Variants in REPS2 observed in about 807,000 individuals in gnomAD.
REPS2 encodes ralBP1-associated Eps domain-containing protein 2.
Under a neutral mutation model 53.6 loss-of-function variants are expected in REPS2, and 23 were observed. The ratio of observed to expected loss-of-function variants is 0.43; its 90% CI spans 0.31 to 0.61. The LOEUF is 0.61. Among genes scored for constraint, REPS2 ranks in the 20% least tolerant of loss-of-function variants. REPS2 has a pLI of 0.11. For missense variants in REPS2, 446 were observed against 534.9 expected (o/e 0.83, Z 1.64); for synonymous variants, 238 against 218.6 (o/e 1.09, Z -0.78).
the REPS2 span, among the ~76,000 whole-genome samples, chrX:17,187,625 T>C: frequency 8.9e-6 from 1 of 112,142 alleles, no homozygotes; most frequent in Non-Finnish European, 1.9e-5. Context: ...CTACATAGGA[T>C]ACGACAGAAG....
chrX:17,115,560 C>T (rs965851334), intron 14 of REPS2, among the ~76,000 whole-genome samples: 3 of 111,445 alleles, frequency 2.7e-5, no homozygotes, highest in Non-Finnish European at 3.8e-5. Context: ...AGACCCTTTA[C>T]GGGTGTCGAG....
chrX:17,188,850 C>T, the REPS2 span, among the ~76,000 whole-genome samples: 14,474 of 111,193 alleles, frequency 0.13, 719 homozygotes, highest in Admixed American at 0.18. Context: ...GTGTGTGTAC[C>T]ATTCATAGCA....
chrX:17,062,444 C>T lies in REPS2; in HGVS notation c.1121C>T (p.Pro374Leu). ...TCTTTTTGTTTCTTCTTAGCTTTTCCTAAGCCCAAATGGGACTGTCAATTA... is the reference window on the plus strand; with the variant it reads ...TCTTTTTGTTTCTTCTTAGCTTTTCTTAAGCCCAAATGGGACTGTCAATTA... ...LQPEYLQAAF[P>L]KPKWDCQLFD... The change falls in exon 9 of 18, where the codon CCT becomes CTT. Residue 374 changes from proline (P) to leucine (L), a missense_variant. By Grantham distance (98) the Pro-to-Leu change is moderately conservative. Transcript: ENST00000357277. The T allele has an allele frequency of 8.4e-7, 1 of 1,194,924 alleles. No individual in the cohort carries two copies.
the REPS2 span, among the ~76,000 whole-genome samples, chrX:17,189,346 C>T: frequency 4.7e-5 from 5 of 106,899 alleles, no homozygotes; most frequent in Non-Finnish European, 7.7e-5. Context: ...AGTGCAGTGG[C>T]GTGATCTCAG....
intron 14 of REPS2, among the ~76,000 whole-genome samples, chrX:17,113,959 T>G (rs1484289102): frequency 5.3e-5 from 6 of 112,569 alleles, no homozygotes; most frequent in African/African-American, 1.9e-4. Context: ...AAGAAGGCAC[T>G]GGTCAAGGGT....
In REPS2 at chrX:16,946,771, C is replaced by T. The variant is rs1213151757; in HGVS notation, c.-91C>T. The stretch of plus-strand genomic sequence containing the variant: ...GCGGTGGTGGCGGCGGCGGCGGCGG[C>T]GGCAGCTGAGGCCGAGGAGGCGGTG... On this transcript the variant is annotated 5_prime_UTR_variant, in exon 1 of 18. Coordinates refer to ENST00000357277, the MANE Select transcript of REPS2 (RefSeq NM_004726.3). 8 of 755,771 alleles carry T rather than the reference C, an allele frequency of 1.1e-5. No individual in the cohort carries two copies. The highest frequency in any genetic ancestry group is 1.2e-5 in the Non-Finnish European group (8 of 643,886). 62.3% of individuals were successfully genotyped at this position (755,771 alleles called of 1,213,427 possible).
At chrX:17,027,855 AAGG>A (rs2061666431) in intron 4 of REPS2, among the ~76,000 whole-genome samples, 1 of 110,489 alleles carries the variant, frequency 9.1e-6, no homozygotes, top group African/African-American at 3.3e-5. Context: ...CCAATTAAGG[AAGG>A]AGCCAGAAGT....
intron 17 of REPS2, 56 bp downstream of exon 17, chrX:17,139,017 C>T (rs2063409703): frequency 2.6e-6 from 2 of 780,542 alleles, no homozygotes; most frequent in African/African-American, 4.3e-5. Context: ...TTTTAAAAAG[C>T]TTTTTTTTAA....
intron 14 of REPS2, among the ~76,000 whole-genome samples, chrX:17,107,122 A>G (rs2062884691): frequency 8.9e-6 from 1 of 111,903 alleles, no homozygotes; most frequent in Non-Finnish European, 1.9e-5. Context: ...CCTAGATAAC[A>G]TTGTTTTAAG....
intron 13 of REPS2, among the ~76,000 whole-genome samples, chrX:17,080,897 C>T (rs889524885): frequency 1.8e-5 from 2 of 111,480 alleles, no homozygotes; most frequent in Non-Finnish European, 3.8e-5. Context: ...ACGTTCTGGA[C>T]CTCCCTCCTG....
At chrX:16,989,839 G>A (rs773253896) in intron 1 of REPS2, among the ~76,000 whole-genome samples, 73 of 112,323 alleles carry the variant, frequency 6.5e-4, no homozygotes, top group African/African-American at 2.2e-3. Flanking sequence ...CTGATGGGAT[G>A]TAAAATGATA....
chrX:17,089,477 A>G (rs1012465213), intron 13 of REPS2, among the ~76,000 whole-genome samples: 1 of 112,182 alleles, frequency 8.9e-6, no homozygotes, highest in Non-Finnish European at 1.9e-5. Context: ...AACTTTCACC[A>G]TAATCCAGTT....
chrX:17,187,167 A>G, the REPS2 span, among the ~76,000 whole-genome samples: 1 of 112,123 alleles, frequency 8.9e-6, no homozygotes, highest in Non-Finnish European at 1.9e-5. Context: ...TGGGCCTATC[A>G]TGGATTTTAT....
chrX:16,965,093 A>G (rs1467445766), intron 1 of REPS2, among the ~76,000 whole-genome samples: 2 of 55,687 alleles, frequency 3.6e-5, no homozygotes, highest in East Asian at 6.6e-4. Flanking sequence ...CGGGGGGCTG[A>G]CCCCCCCACC....
chrX:17,129,561 T>C (rs1464385170), intron 14 of REPS2, among the ~76,000 whole-genome samples: 1 of 111,936 alleles, frequency 8.9e-6, no homozygotes, highest in Non-Finnish European at 1.9e-5. Flanking sequence ...CATGCAGTGG[T>C]CTGTTACCAG....
intron 14 of REPS2, among the ~76,000 whole-genome samples, chrX:17,107,901 G>A (rs1452424531): frequency 9.0e-6 from 1 of 111,236 alleles, no homozygotes; most frequent in Non-Finnish European, 1.9e-5. Context: ...ATATAGAGCA[G>A]TGCATTCTTT....
At chrX:16,971,831 T>A (rs2060899178) in intron 1 of REPS2, among the ~76,000 whole-genome samples, 1 of 112,501 alleles carries the variant, frequency 8.9e-6, no homozygotes, top group Admixed American at 9.5e-5. Flanking sequence ...ATTGACCTTA[T>A]GTAAATGTAA....
chrX:17,021,161 C>A (rs2061572269), intron 2 of REPS2, among the ~76,000 whole-genome samples: 1 of 112,335 alleles, frequency 8.9e-6, no homozygotes, highest in African/African-American at 3.2e-5. Context: ...TTATCCTGAA[C>A]AATGGATACA....
chrX:17,110,949 G>A (rs184887083), intron 14 of REPS2, among the ~76,000 whole-genome samples: 1 of 111,632 alleles, frequency 9.0e-6, no homozygotes, highest in Non-Finnish European at 1.9e-5. Flanking sequence ...AGGAGGTTGA[G>A]GTTGCAGGGA....
Sources: gnomAD v4.1 joint callset for allele counts (sites outside exome capture counted in the v4.1 genomes callset) on GRCh38, gnomAD v4.1.1 for gene constraint, MANE v1.5 for transcripts, NCBI Gene and HGNC (gene_info 2026-07-23, HGNC 2026-07-21) for gene names.